The following ZC3H12B variants were observed in gnomAD, a reference collection of about 807,000 sequenced individuals.
The protein encoded by ZC3H12B is zinc finger CCCH-type containing 12B, also known as probable ribonuclease ZC3H12B.
Under a neutral mutation model 43.9 loss-of-function variants are expected in ZC3H12B, and 7 were observed. That is an observed-to-expected ratio of 0.16 (90% CI 0.09 to 0.30). ZC3H12B has a LOEUF of 0.30. ZC3H12B is among the 10% of genes least tolerant of loss of function. The pLI is 1.00. For missense variants in ZC3H12B, 475 were observed against 670.2 expected (o/e 0.71, Z 3.22); for synonymous variants, 222 against 241.7 (o/e 0.92, Z 0.76).
At chrX:65,450,866 T>A (rs1410063968) in intron 3 of ZC3H12B, among the ~76,000 whole-genome samples, 1 of 91,510 alleles carries the variant, frequency 1.1e-5, no homozygotes, top group East Asian at 3.5e-4. Flanking sequence ...TGTGTATATA[T>A]GTATATATAT....
At chrX:65,121,434 G>T in the ZC3H12B span, among the ~76,000 whole-genome samples, 1 of 111,723 alleles carries the variant, frequency 9.0e-6, no homozygotes, top group Non-Finnish European at 1.9e-5. Context: ...TAGTTTATTT[G>T]CCTAGAGGTG....
At chrX:65,069,172 G>T in the ZC3H12B span, among the ~76,000 whole-genome samples, 1 of 107,804 alleles carries the variant, frequency 9.3e-6, no homozygotes, top group Non-Finnish European at 1.9e-5. Flanking sequence ...CTTTTTTTTA[G>T]GTTTGGGAAG....
chrX:65,176,566 C>T, the ZC3H12B span, among the ~76,000 whole-genome samples: 2 of 110,937 alleles, frequency 1.8e-5, no homozygotes, highest in Admixed American at 9.6e-5. Flanking sequence ...TTAAGTGGGT[C>T]CCTGACATAA....
At position 65,501,773 on chromosome X, in the gene ZC3H12B, A is replaced by G. The variant is rs773593909; in HGVS notation, c.1091-16A>G. On this transcript the variant is annotated splice_polypyrimidine_tract_variant and intron_variant, in intron 4 of 4. Transcript: ENST00000338957. ...ATCACTGAGAGAGAGTCTTACCCCA[A>G]GGCATTATTTTTCAGGCAAAAAATG... The G allele has an allele frequency of 8.8e-6, 10 of 1,130,210 alleles. No homozygotes were observed. The highest frequency in any genetic ancestry group is 7.3e-5 in the African/African-American group (4 of 54,908). 93.1% of individuals were successfully genotyped at this position (1,130,210 alleles called of 1,213,427 possible).
chrX:65,260,238 C>T, the ZC3H12B span, among the ~76,000 whole-genome samples: 1 of 110,052 alleles, frequency 9.1e-6, no homozygotes, highest in East Asian at 2.8e-4. Flanking sequence ...AATTTTTAAG[C>T]AGTAGCATTC....
intron 3 of ZC3H12B, among the ~76,000 whole-genome samples, chrX:65,430,746 A>T (rs146578622): frequency 1.2e-4 from 13 of 110,177 alleles, no homozygotes; most frequent in African/African-American, 2.6e-4. Flanking sequence ...TCTATCATTG[A>T]TGGACATTTG....
At chrX:65,139,250 C>T in the ZC3H12B span, among the ~76,000 whole-genome samples, 2 of 112,048 alleles carry the variant, frequency 1.8e-5, no homozygotes, top group African/African-American at 3.2e-5. Context: ...TTAATCCATT[C>T]GAGTTGATTT....
intron 2 of ZC3H12B, among the ~76,000 whole-genome samples, chrX:65,393,095 G>C: frequency 9.0e-6 from 1 of 110,603 alleles, no homozygotes; most frequent in Non-Finnish European, 1.9e-5. Context: ...AAGTACCCAG[G>C]GACACAAACA....
At chrX:65,447,046 T>A (rs1333484256) in intron 3 of ZC3H12B, among the ~76,000 whole-genome samples, 5 of 111,845 alleles carry the variant, frequency 4.5e-5, no homozygotes, top group Non-Finnish European at 9.4e-5. Context: ...GATGTCTATT[T>A]GGTTCTTCAG....
At chrX:65,159,986 T>G in the ZC3H12B span, among the ~76,000 whole-genome samples, 2 of 112,109 alleles carry the variant, frequency 1.8e-5, no homozygotes, top group Admixed American at 9.5e-5. Context: ...CTGTTGAATT[T>G]TGTCAAAGGC....
chrX:65,268,242 A>G, the ZC3H12B span, among the ~76,000 whole-genome samples: 2 of 112,381 alleles, frequency 1.8e-5, no homozygotes, highest in African/African-American at 6.5e-5. Flanking sequence ...AAACATGTCA[A>G]TAACGAAGAG....
In ZC3H12B at chrX:65,448,151, C is replaced by T. The variant is rs761666760; in HGVS notation, n.408-40495C>T. On this transcript the variant is annotated intron_variant and non_coding_transcript_variant, in intron 3 of 5. Transcript: ENST00000617377. ...TCAGAAGACTGAGGCAGGAGAATGG[C>T]GTGAACCCAGGAGGCAGAGCTTGCA... 4.4e-4 allele frequency among the ~76,000 whole-genome samples: 49 copies of T among 110,659 alleles called. No individual in the cohort carries two copies. The South Asian group carries it at 0.015, about 33-fold the overall frequency.
At chrX:65,389,379 C>T (rs1179162361) in intron 2 of ZC3H12B, among the ~76,000 whole-genome samples, 4 of 112,385 alleles carry the variant, frequency 3.6e-5, no homozygotes, top group Admixed American at 9.4e-5. Flanking sequence ...GCAGTTTAAT[C>T]TCAGACTGCT....
At chrX:65,257,077 A>G in the ZC3H12B span, among the ~76,000 whole-genome samples, 1 of 112,202 alleles carries the variant, frequency 8.9e-6, no homozygotes, top group African/African-American at 3.2e-5. Flanking sequence ...TAGAAATACC[A>G]TTTGATCCAG....
the ZC3H12B span, among the ~76,000 whole-genome samples, chrX:65,321,341 C>T: frequency 8.9e-6 from 1 of 111,872 alleles, no homozygotes; most frequent in African/African-American, 3.2e-5. Flanking sequence ...CAAATCAAAA[C>T]CACAATGAGA....
the ZC3H12B span, among the ~76,000 whole-genome samples, chrX:65,237,968 C>A: frequency 1.3e-4 from 14 of 111,485 alleles, no homozygotes; most frequent in South Asian, 5.2e-3. Context: ...AGTTTGCCAG[C>A]ATTTTATTGA....
chrX:65,426,541 T>C (rs1292417897), intron 3 of ZC3H12B, among the ~76,000 whole-genome samples: 1 of 110,862 alleles, frequency 9.0e-6, no homozygotes. Context: ...CTTGGTTCTC[T>C]AGTTCTTTTA....
the ZC3H12B span, among the ~76,000 whole-genome samples, chrX:65,102,312 T>C: frequency 8.9e-6 from 1 of 112,016 alleles, no homozygotes; most frequent in African/African-American, 3.2e-5. Context: ...GCATTACCTT[T>C]GAAAACCGGC....
chrX:65,272,864 A>C, the ZC3H12B span: 1 of 112,358 alleles, frequency 8.9e-6, no homozygotes, highest in Non-Finnish European at 1.9e-5. Flanking sequence ...CAATATCTAC[A>C]AGAAGTAAAT....
Sources: allele counts gnomAD v4.1 joint callset (sites outside exome capture counted in the v4.1 genomes callset), GRCh38; gene constraint gnomAD v4.1.1; transcripts MANE v1.5; gene names NCBI Gene and HGNC (gene_info 2026-07-23, HGNC 2026-07-21).